The following MDGA2 variants were observed in gnomAD, a reference collection of about 807,000 sequenced individuals.
MDGA2 encodes the protein MAM domain-containing glycosylphosphatidylinositol anchor protein 2.
In MDGA2, 40 loss-of-function variants were observed where a neutral mutation model predicts 117.8. That is an observed-to-expected ratio of 0.34 (90% confidence interval 0.26 to 0.44). MDGA2 has a LOEUF of 0.44. MDGA2 is among the 20% of genes least tolerant of loss of function. MDGA2 has a pLI of 1.00. For missense variants in MDGA2, 1,123 were observed against 1,250.6 expected, an observed-to-expected ratio of 0.90 and a Z score of 1.54; for synonymous variants, 452 against 439.0, an observed-to-expected ratio of 1.03 and a Z score of -0.37.
chr14:47,167,384 CTCCTTA>C (rs1883928665), intron 3 of MDGA2, among the ~76,000 whole-genome samples: 1 of 152,108 alleles, frequency 6.6e-6, no homozygotes, highest in South Asian at 2.1e-4. Flanking sequence ...CTCATGTCTT[CTCCTTA>C]TAAAGGCTCT....
chr14:46,847,554 C>G (rs1230572715), intron 15 of MDGA2, among the ~76,000 whole-genome samples: 1 of 151,770 alleles, frequency 6.6e-6, no homozygotes, highest in East Asian at 1.9e-4. Flanking sequence ...TGGGAAGTGG[C>G]TTTAAAAAGT....
At chr14:47,617,794 A>C (rs1239613452) in intron 1 of MDGA2, among the ~76,000 whole-genome samples, 1 of 152,204 alleles carries the variant, frequency 6.6e-6, no homozygotes, top group Non-Finnish European at 1.5e-5. Context: ...TAGTATACGT[A>C]GACCAAGATG....
At chr14:47,094,873 A>C (rs1879873034) in intron 6 of MDGA2, among the ~76,000 whole-genome samples, 1 of 152,058 alleles carries the variant, frequency 6.6e-6, no homozygotes, top group Non-Finnish European at 1.5e-5. Flanking sequence ...TGGGGTAGAG[A>C]GAGAACAGAA....
rs187587410 is a variant in MDGA2 at position 47,211,533 on chromosome 14, A to G, written c.595+6488T>C. ...AGACCCTGAGCTCAGGAAGCTCCCC[A>G]TCTTATAAAGGTCCTGCAAGAAAGC... On this transcript the variant is annotated intron_variant, in intron 3 of 16. Coordinates refer to ENST00000399232, the MANE Select transcript of MDGA2 (RefSeq NM_001113498.3). Among the ~76,000 whole-genome samples the G allele has an allele frequency of 4.3e-4, 65 of 152,256 alleles. No homozygotes were observed. The East Asian group carries it at 0.012, about 29-fold the overall frequency.
intron 3 of MDGA2, among the ~76,000 whole-genome samples, chr14:47,210,920 T>C (rs1043941223): frequency 6.6e-6 from 1 of 152,048 alleles, no homozygotes; most frequent in Admixed American, 6.6e-5. Flanking sequence ...GAGTCCAAGG[T>C]TACAGTGAGC....
At chr14:47,595,472 T>C (rs1311183826) in intron 1 of MDGA2, among the ~76,000 whole-genome samples, 1 of 150,444 alleles carries the variant, frequency 6.6e-6, no homozygotes, top group African/African-American at 2.4e-5. Context: ...AGGTGGAGGT[T>C]TCAGTGAGCC....
intron 10 of MDGA2, among the ~76,000 whole-genome samples, chr14:46,915,471 G>A (rs1165424950): frequency 6.6e-6 from 1 of 151,952 alleles, no homozygotes; most frequent in Non-Finnish European, 1.5e-5. Context: ...AGAACAGAGG[G>A]GCTAATCTAA....
intron 7 of MDGA2, among the ~76,000 whole-genome samples, chr14:47,045,235 TC>T (rs142959661): frequency 0.097 from 14,802 of 152,250 alleles, 824 homozygotes; most frequent in African/African-American, 0.15. Context: ...GAATGGGACT[TC>T]AGCTAAGGTT....
chr14:47,061,660 G>T, intron 6 of MDGA2, 82 bp from the exon 7 acceptor site: 1 of 1,160,646 alleles, frequency 8.6e-7, no homozygotes, highest in Non-Finnish European at 1.2e-6. Flanking sequence ...TCATCTCTGA[G>T]CTGAAATAAA....
At chr14:47,312,640 A>G (rs1889670712) in intron 1 of MDGA2, among the ~76,000 whole-genome samples, 1 of 150,704 alleles carries the variant, frequency 6.6e-6, no homozygotes, top group African/African-American at 2.4e-5. Flanking sequence ...AGCAGCTAGG[A>G]CTACAAGGTC....
chr14:47,119,127 C>G (rs1322357499), intron 5 of MDGA2, among the ~76,000 whole-genome samples: 1 of 146,490 alleles, frequency 6.8e-6, no homozygotes, highest in Non-Finnish European at 1.5e-5. Flanking sequence ...TTCGGCTCAC[C>G]GCAAGCTCCG....
intron 7 of MDGA2, among the ~76,000 whole-genome samples, chr14:47,048,425 A>G (rs1276072360): frequency 6.6e-6 from 1 of 152,080 alleles, no homozygotes; most frequent in Non-Finnish European, 1.5e-5. Context: ...AAAATCCTCA[A>G]CGCAGAATGG....
At chr14:47,166,566 C>T (rs908679441) in intron 3 of MDGA2, among the ~76,000 whole-genome samples, 4 of 152,164 alleles carry the variant, frequency 2.6e-5, no homozygotes, top group African/African-American at 9.7e-5. Flanking sequence ...GGCAACATAA[C>T]TTTATTAGCA....
At chr14:47,475,074 A>C (rs1467467706) in intron 1 of MDGA2, among the ~76,000 whole-genome samples, 1 of 152,198 alleles carries the variant, frequency 6.6e-6, no homozygotes, top group East Asian at 1.9e-4. Flanking sequence ...AAATTTTTGC[A>C]ATCTATCTAT....
rs181807178 is a variant in MDGA2, at chr14:47,261,127, G to C, written c.420+40284C>G. On this transcript the variant is annotated intron_variant, in intron 2 of 16. Coordinates refer to ENST00000399232, the MANE Select transcript of MDGA2 (RefSeq NM_001113498.3). ...CAGAGGGTTTGGAAAAACATCGTTA[G>C]GAAGGACAAATCCATCAAAAAATAT... Among the ~76,000 whole-genome samples, 15 of 152,146 alleles carry C rather than the reference G, an allele frequency of 9.9e-5. No individual in the cohort carries two copies. In the East Asian group the frequency reaches 1.2e-3, roughly 12 times the overall value.
intron 2 of MDGA2, among the ~76,000 whole-genome samples, chr14:47,236,379 A>C (rs1886864934): frequency 6.6e-6 from 1 of 151,962 alleles, no homozygotes; most frequent in Non-Finnish European, 1.5e-5. Flanking sequence ...TGAAGGATAC[A>C]CTTAAGCCTA....
intron 8 of MDGA2, among the ~76,000 whole-genome samples, chr14:46,973,338 G>T (rs747538393): frequency 2.0e-5 from 3 of 152,140 alleles, no homozygotes; most frequent in Non-Finnish European, 4.4e-5. Context: ...AGTTCAGCTG[G>T]TAATTTTTTT....
chr14:47,000,915 C>T (rs1461464937), intron 8 of MDGA2, among the ~76,000 whole-genome samples: 1 of 151,936 alleles, frequency 6.6e-6, no homozygotes, highest in East Asian at 1.9e-4. Flanking sequence ...AAGAAAACTA[C>T]ATATTATTTC....
rs564306865 is a variant in MDGA2, at chr14:46,909,105, T to A, written c.2238+10907A>T. 3.3e-5 allele frequency among the ~76,000 whole-genome samples: 5 copies of A among 152,316 alleles called. No homozygotes were observed. The South Asian group carries it at 1.0e-3, about 32-fold the overall frequency. ...CTACCAAACTATACGCTTCATGAGA[T>A]CATGGATATTTTCTGTCTGGTGCAC... On this transcript the variant is annotated intron_variant, in intron 10 of 16. Coordinates refer to ENST00000399232, the MANE Select transcript of MDGA2 (RefSeq NM_001113498.3).
Sources: gnomAD v4.1 joint callset for allele counts (sites outside exome capture counted in the v4.1 genomes callset) on GRCh38, gnomAD v4.1.1 for gene constraint, MANE v1.5 for transcripts, NCBI Gene and HGNC (gene_info 2026-07-23, HGNC 2026-07-21) for gene names.